Variants in SPAG9 observed in about 807,000 individuals in gnomAD.
The protein encoded by SPAG9 is sperm associated antigen 9.
In SPAG9, 35 loss-of-function variants were observed where a neutral mutation model predicts 166.5. The observed-to-expected ratio is 0.21, with a 90% CI of 0.16 to 0.28. The LOEUF (loss-of-function observed/expected upper bound fraction) is 0.28. Among genes scored for constraint, SPAG9 ranks in the 10% least tolerant of loss-of-function variants. The pLI is 1.00. For missense variants in SPAG9, 1,235 were observed against 1,603.3 expected (o/e 0.77, Z 3.92); for synonymous variants, 534 against 565.5 (o/e 0.94, Z 0.79).
chr17:50,989,498 G>C, intron 21 of SPAG9, 179 bp downstream of exon 21: 2 of 664,152 alleles, frequency 3.0e-6, no homozygotes, highest in Non-Finnish European at 5.4e-6. Context: ...AGAAATGGGG[G>C]GGAATATCCA....
At chr17:51,009,218 T>A (rs1222712558) in intron 9 of SPAG9, 19 of 433,252 alleles carry the variant, frequency 4.4e-5, no homozygotes, top group Non-Finnish European at 8.7e-5. Flanking sequence ...ACTAAACTCA[T>A]TTACTTTAAA....
chr17:50,981,734 G>A (rs922654310), intron 25 of SPAG9, among the ~76,000 whole-genome samples: 5 of 148,096 alleles, frequency 3.4e-5, no homozygotes, highest in African/African-American at 7.4e-5. Context: ...AAAAAAAACC[G>A]TAAGAAAACA....
intron 22 of SPAG9, 146 bp from the exon 23 acceptor site, chr17:50,985,924 C>A: frequency 1.9e-6 from 1 of 527,762 alleles, no homozygotes; most frequent in Non-Finnish European, 3.4e-6. Flanking sequence ...GTGCAATGGT[C>A]AGAAAAGAAA....
At chr17:51,003,330 T>C (rs183222737) in intron 12 of SPAG9, among the ~76,000 whole-genome samples, 10 of 152,330 alleles carry the variant, frequency 6.6e-5, no homozygotes, top group African/African-American at 2.4e-4. Flanking sequence ...ATAGATTTAA[T>C]ACACTATTGT....
chr17:51,051,935 G>C, intron 3 of SPAG9, among the ~76,000 whole-genome samples: 1 of 152,166 alleles, frequency 6.6e-6, no homozygotes, highest in Non-Finnish European at 1.5e-5. Flanking sequence ...AAAGTTTTTG[G>C]TGATTAGCAT....
At chr17:50,995,721 G>A (rs1396310719) in intron 16 of SPAG9, 188 bp from the exon 17 acceptor site, 2 of 555,318 alleles carry the variant, frequency 3.6e-6, no homozygotes, top group Non-Finnish European at 6.4e-6. Flanking sequence ...GAGTGCAGTG[G>A]CTTGATCATG....
At chr17:51,066,890 C>CAA (rs567630931) in intron 2 of SPAG9, among the ~76,000 whole-genome samples, 2 of 141,170 alleles carry the variant, frequency 1.4e-5, no homozygotes, top group Non-Finnish European at 3.1e-5. Flanking sequence ...GAGTCCATCT[C>CAA]AAAAAAAAAA....
Position 50,998,612 on chromosome 17 carries a change from C to T in SPAG9, c.1670G>A (p.Ser557Asn). ...GTTACTTGAGGAGCTGAAAAGTCGG[C>T]TGAAACTAAAAGAAGACAGTATGTC... The part of the protein sequence containing the change: ...KKRSSIWQFF[S>N]RLFSSSSNTT... Residue 557 changes from serine to asparagine, a missense_variant, in exon 15 of 30, where the codon AGC becomes AAC. This residue lies in a region of SPAG9 where 125 missense variants were observed against 194.0 expected (regional missense o/e 0.64). Transcript: ENST00000262013. 6.2e-7 allele frequency: 1 copy of T among 1,613,900 alleles called. No homozygotes were observed. The highest frequency in any genetic ancestry group is 8.5e-7 in the Non-Finnish European group (1 of 1,179,914).
chr17:51,095,542 T>C lies in SPAG9; in HGVS notation c.304-15838A>G, dbSNP rs556496668. On this transcript the variant is annotated intron_variant, in intron 1 of 29. Coordinates refer to ENST00000262013, the MANE Select transcript of SPAG9 (RefSeq NM_001130528.3). ...GGTGCGCACCTGTAGTTCCAGCTAC[T>C]CGGGAGGCTGAGGCAGAAGAATCAC... 2.7e-5 allele frequency among the ~76,000 whole-genome samples: 4 copies of C among 147,996 alleles called. No individual in the cohort carries two copies. In the South Asian group the frequency reaches 8.6e-4, roughly 32 times the overall value.
chr17:50,996,619 C>A lies in SPAG9; in HGVS notation c.1914G>T (p.Lys638Asn). Residue 638 changes from lysine to asparagine, a missense_variant, in exon 16 of 30, where the codon AAG becomes AAT. Lys to Asn is a moderately conservative substitution (Grantham distance 94). Around this residue, in one of 6 missense-constraint regions of SPAG9, gnomAD observed 493 missense variants for 559.4 expected, o/e 0.88. Coordinates refer to ENST00000262013, the MANE Select transcript of SPAG9 (RefSeq NM_001130528.3). ...QYRQVKAHVQ[K>N]EDGRVQAFGW... ...CAAAAGCCTGCACTCTACCGTCTTC[C>A]TTCTGAACATGTGCTTTTACCTGAC... The A allele has an allele frequency of 6.2e-7, 1 of 1,614,156 alleles. No homozygotes were observed.
chr17:51,098,557 A>G (rs986191923), intron 1 of SPAG9, among the ~76,000 whole-genome samples: 5 of 151,508 alleles, frequency 3.3e-5, no homozygotes, highest in Admixed American at 2.6e-4. Flanking sequence ...CAGTGGTGTG[A>G]TCTCGGCTCA....
chr17:51,096,331 AGAGT>A (rs2048646799), intron 1 of SPAG9, among the ~76,000 whole-genome samples: 1 of 151,642 alleles, frequency 6.6e-6, no homozygotes, highest in East Asian at 1.9e-4. Context: ...CCTGGGTGAC[AGAGT>A]GAGACTCTGT....
At chr17:51,024,608 G>A (rs898036289) in intron 6 of SPAG9, among the ~76,000 whole-genome samples, 1 of 151,558 alleles carries the variant, frequency 6.6e-6, no homozygotes, top group Non-Finnish European at 1.5e-5. Context: ...AGCTATTAGC[G>A]AGGCTGAGGC....
intron 1 of SPAG9, among the ~76,000 whole-genome samples, chr17:51,102,179 T>C (rs1440363667): frequency 3.9e-5 from 6 of 151,920 alleles, no homozygotes; most frequent in Admixed American, 2.0e-4. Context: ...GCTCAGGAAT[T>C]TGATACCAGG....
At chr17:50,971,457 AC>A (rs1973800268) in intron 28 of SPAG9, among the ~76,000 whole-genome samples, 1 of 117,166 alleles carries the variant, frequency 8.5e-6, no homozygotes, top group East Asian at 2.4e-4. Context: ...GCTTCAAACT[AC>A]CTTTTTTTTT....
chr17:50,978,811 G>A (rs1485389990), intron 26 of SPAG9, among the ~76,000 whole-genome samples: 1 of 152,142 alleles, frequency 6.6e-6, no homozygotes, highest in Non-Finnish European at 1.5e-5. Context: ...TTGAGAACAT[G>A]TAAGGTCTCC....
chr17:50,992,961 T>C (rs887751826), intron 19 of SPAG9, among the ~76,000 whole-genome samples: 1 of 151,826 alleles, frequency 6.6e-6, no homozygotes, highest in Non-Finnish European at 1.5e-5. Context: ...CCGGGTGTAG[T>C]GGCTCGTGCC....
chr17:51,025,153 T>C (rs554571672), intron 6 of SPAG9, among the ~76,000 whole-genome samples: 1 of 151,396 alleles, frequency 6.6e-6, no homozygotes, highest in African/African-American at 2.4e-5. Flanking sequence ...ACCCCGTCTC[T>C]ACTAAAAATA....
intron 16 of SPAG9, chr17:50,996,321 C>T (rs2044677578): frequency 6.4e-6 from 3 of 470,940 alleles, no homozygotes; most frequent in Non-Finnish European, 1.1e-5. Context: ...GTACCTCAAA[C>T]TCCATGCACT....
Sources: gnomAD v4.1 joint callset for allele counts (sites outside exome capture counted in the v4.1 genomes callset) on GRCh38, gnomAD v4.1.1 for gene constraint, gnomAD v4.1.1 regional missense constraint, MANE v1.5 for transcripts, NCBI Gene and HGNC (gene_info 2026-07-23, HGNC 2026-07-21) for gene names.